Variants in EPHA6 observed in about 807,000 individuals in gnomAD.
The protein encoded by EPHA6 is ephrin type-A receptor 6.
In EPHA6, 50 loss-of-function variants were observed where a neutral mutation model predicts 112.0. The ratio of observed to expected loss-of-function variants is 0.45; its 90% CI spans 0.36 to 0.56. EPHA6 has a LOEUF of 0.56. Ranked by LOEUF, EPHA6 falls within the 20% of genes least tolerant of loss-of-function variation. The pLI is 0.00. For synonymous variants in EPHA6, 529 were observed against 490.7 expected, an observed-to-expected ratio of 1.08 and a Z score of -1.03; for missense variants, 1,280 against 1,417.4, an observed-to-expected ratio of 0.90 and a Z score of 1.56.
At chr3:96,926,913 A>C (rs1389842147) in intron 2 of EPHA6, among the ~76,000 whole-genome samples, 1 of 152,174 alleles carries the variant, frequency 6.6e-6, no homozygotes, top group Non-Finnish European at 1.5e-5. Context: ...TCACAGCTGC[A>C]CTAGGCAGTG....
At chr3:97,651,871 A>G (rs915701611) in intron 14 of EPHA6, among the ~76,000 whole-genome samples, 5 of 151,932 alleles carry the variant, frequency 3.3e-5, no homozygotes, top group African/African-American at 9.7e-5. Flanking sequence ...TTTTAGGTTC[A>G]GAGGTTTATG....
intron 14 of EPHA6, among the ~76,000 whole-genome samples, chr3:97,667,069 A>G (rs2030206740): frequency 6.6e-6 from 1 of 152,186 alleles, no homozygotes; most frequent in African/African-American, 2.4e-5. Context: ...GGACACCACC[A>G]TATTAGTTTC....
chr3:97,619,978 A>G (rs1193142442), intron 13 of EPHA6, among the ~76,000 whole-genome samples: 1 of 152,128 alleles, frequency 6.6e-6, no homozygotes, highest in Non-Finnish European at 1.5e-5. Flanking sequence ...AAGCTAAAAG[A>G]ACAAAGCTGG....
chr3:97,709,254 G>A (rs529786128), intron 14 of EPHA6, among the ~76,000 whole-genome samples: 30 of 152,202 alleles, frequency 2.0e-4, no homozygotes, highest in Non-Finnish European at 3.8e-4. Flanking sequence ...GCTGCCAAAG[G>A]CCTTGGGAGC....
chr3:97,543,151 A>G (rs575512508), intron 11 of EPHA6, among the ~76,000 whole-genome samples: 2 of 152,254 alleles, frequency 1.3e-5, no homozygotes, highest in Non-Finnish European at 2.9e-5. Context: ...TTGGTGTTTT[A>G]GACATGAAGT....
In EPHA6 at chr3:97,526,926, G is replaced by A. The variant is rs549378394; in HGVS notation, c.2201-5432G>A. Reference sequence around the variant, plus strand: ...TACTCCCAGACTATGGCAGAGAGGGGCTAGAGCTGAGATAGGGCCCCTTCA... The same window carrying A: ...TACTCCCAGACTATGGCAGAGAGGGACTAGAGCTGAGATAGGGCCCCTTCA... On this transcript the variant is annotated intron_variant, in intron 10 of 17. Transcript: ENST00000389672. Among the ~76,000 whole-genome samples, 4 of 152,206 alleles carry A rather than the reference G, an allele frequency of 2.6e-5. No individual in the cohort carries two copies. The East Asian group carries it at 7.7e-4, about 29-fold the overall frequency.
chr3:97,605,695 T>C (rs2093675766), intron 12 of EPHA6, among the ~76,000 whole-genome samples: 1 of 151,780 alleles, frequency 6.6e-6, no homozygotes, highest in Non-Finnish European at 1.5e-5. Flanking sequence ...ACCTCCAGCT[T>C]TGTTCTCTTT....
intron 5 of EPHA6, among the ~76,000 whole-genome samples, chr3:97,339,874 A>T (rs1277208867): frequency 6.6e-6 from 1 of 152,162 alleles, no homozygotes; most frequent in Admixed American, 6.6e-5. Context: ...GCCTTCAGTG[A>T]TGTCACAGAA....
At chr3:97,187,562 G>A (rs1208582606) in intron 3 of EPHA6, among the ~76,000 whole-genome samples, 15 of 138,742 alleles carry the variant, frequency 1.1e-4, no homozygotes, top group Middle Eastern at 4.0e-3. Flanking sequence ...CTGACTGAGC[G>A]AGACTTCGTC....
intron 7 of EPHA6, among the ~76,000 whole-genome samples, chr3:97,463,637 C>T (rs1239994653): frequency 6.6e-6 from 1 of 152,062 alleles, no homozygotes; most frequent in African/African-American, 2.4e-5. Flanking sequence ...TCAACAAATA[C>T]AAAAGTTTTT....
intron 3 of EPHA6, among the ~76,000 whole-genome samples, chr3:97,203,232 A>G (rs1441669649): frequency 6.6e-6 from 1 of 152,146 alleles, no homozygotes; most frequent in Non-Finnish European, 1.5e-5. Flanking sequence ...AAGGTGGTAG[A>G]GGCAAAAGTA....
In EPHA6 at chr3:97,592,648, C is replaced by T; in HGVS notation, c.2423C>T (p.Pro808Leu). The T allele has an allele frequency of 6.2e-7, 1 of 1,613,522 alleles. No homozygotes were observed. The highest frequency in any genetic ancestry group is 8.5e-7 in the Non-Finnish European group (1 of 1,179,748). ...FPAIGVEAFC[P>L]SFLRAGFLNS... ...GCCATTGGGGTGGAGGCGTTTTGCC[C>T]CAGCTTCCTGAGGGCAGGGTTTTTA... Residue 808 changes from proline (P) to leucine (L), a missense_variant, in exon 12 of 18, where the codon CCC becomes CTC. Around this residue, in one of 4 missense-constraint regions of EPHA6, gnomAD observed 878 missense variants for 999.7 expected, o/e 0.88. Transcript: ENST00000389672.
chr3:96,865,067 G>A (rs1024428707), intron 1 of EPHA6, among the ~76,000 whole-genome samples: 8 of 152,022 alleles, frequency 5.3e-5, no homozygotes, highest in Non-Finnish European at 1.0e-4. Context: ...TGAGTGATGA[G>A]TATGTGAGGG....
At chr3:96,897,211 AACAC>A (rs57409609) in intron 2 of EPHA6, among the ~76,000 whole-genome samples, 3,591 of 143,372 alleles carry the variant, frequency 0.025, 130 homozygotes, top group African/African-American at 0.079. Flanking sequence ...TGTATATACA[AACAC>A]ACACACACAC....
At chr3:97,529,377 A>G (rs981053837) in intron 10 of EPHA6, among the ~76,000 whole-genome samples, 7 of 152,112 alleles carry the variant, frequency 4.6e-5, no homozygotes, top group South Asian at 2.1e-4. Context: ...GACCTGACAC[A>G]GGATAACACT....
Position 96,987,963 on chromosome 3 carries a change from G to A in EPHA6, c.1084G>A (p.Gly362Arg). ...TCTTGGAAGGTGCATCTGCAGTACA[G>A]GATATGAAGAAATTGAGGGTTCTTG... ...VPLGRCICST[G>R]YEEIEGSCHA... is the part of the protein sequence containing the mutation. Residue 362 changes from glycine to arginine, a missense_variant, in exon 3 of 18, where the codon GGA (glycine) becomes AGA (arginine). Gly to Arg is a moderately radical substitution (Grantham distance 125). This residue lies in a region of EPHA6 where 878 missense variants were observed against 999.7 expected (regional missense o/e 0.88). Coordinates refer to ENST00000389672, the MANE Select transcript of EPHA6 (RefSeq NM_001080448.3). 1 of 1,578,036 alleles carries A rather than the reference G, an allele frequency of 6.3e-7. No homozygotes were observed. Among genetic ancestry groups the A allele is most frequent in the Non-Finnish European group, 8.6e-7 (1 of 1,157,352 alleles).
At chr3:97,499,331 A>G (rs1442010165) in intron 10 of EPHA6, among the ~76,000 whole-genome samples, 1 of 152,200 alleles carries the variant, frequency 6.6e-6, no homozygotes, top group Non-Finnish European at 1.5e-5. Flanking sequence ...TGATACCTTC[A>G]TAACTTAAAC....
chr3:97,398,019 C>A (rs1178704096), intron 5 of EPHA6, among the ~76,000 whole-genome samples: 2 of 151,354 alleles, frequency 1.3e-5, no homozygotes, highest in African/African-American at 4.8e-5. Context: ...TAGGATGGAA[C>A]TTGTAAAATT....
At chr3:97,667,827 C>T (rs1381970254) in intron 14 of EPHA6, among the ~76,000 whole-genome samples, 1 of 152,088 alleles carries the variant, frequency 6.6e-6, no homozygotes, top group Non-Finnish European at 1.5e-5. Context: ...GTGAGTTACC[C>T]AGCAGAAGCA....
Sources: allele counts gnomAD v4.1 joint callset (sites outside exome capture counted in the v4.1 genomes callset), GRCh38; gene constraint gnomAD v4.1.1; regional missense constraint gnomAD v4.1.1; transcripts MANE v1.5; gene names NCBI Gene and HGNC (gene_info 2026-07-23, HGNC 2026-07-21).